Variants in SDCCAG8 observed in about 807,000 individuals in gnomAD.
The protein encoded by SDCCAG8 is serologically defined colon cancer antigen 8.
Under a neutral mutation model 101.8 loss-of-function variants are expected in SDCCAG8, and 74 were observed. That is an observed-to-expected ratio of 0.73 (90% CI 0.60 to 0.88). The LOEUF is 0.88. Among genes scored for constraint, SDCCAG8 ranks in the 40% least tolerant of loss-of-function variants. The pLI is 0.00. For synonymous variants in SDCCAG8, 281 were observed against 292.9 expected (o/e 0.96, Z 0.41); for missense variants, 787 against 822.6 (o/e 0.96, Z 0.53).
intron 6 of SDCCAG8, among the ~76,000 whole-genome samples, chr1:243,294,696 T>G (rs1452287560): frequency 6.4e-5 from 4 of 62,230 alleles, no homozygotes; most frequent in African/African-American, 2.3e-4. Flanking sequence ...CTTTCTAAAT[T>G]CCCCCCCCCC....
chr1:243,384,889 T>G (rs1378060405), intron 13 of SDCCAG8, among the ~76,000 whole-genome samples: 1 of 152,226 alleles, frequency 6.6e-6, no homozygotes, highest in Non-Finnish European at 1.5e-5. Flanking sequence ...TTCCAGTTAT[T>G]ACTGTTAATA....
At chr1:243,494,098 G>A (rs1478480303) in intron 17 of SDCCAG8, among the ~76,000 whole-genome samples, 2 of 152,198 alleles carry the variant, frequency 1.3e-5, no homozygotes, top group Non-Finnish European at 2.9e-5. Flanking sequence ...GACAGATGGC[G>A]CTTGAATAGA....
At chr1:243,499,069 T>TTAAAC (rs1351375524) in intron 17 of SDCCAG8, among the ~76,000 whole-genome samples, 3 of 152,188 alleles carry the variant, frequency 2.0e-5, no homozygotes, top group Admixed American at 1.3e-4. Flanking sequence ...CTGATGTGGT[T>TTAAAC]TAAACTAATT....
chr1:243,431,545 T>C (rs2081765876), intron 16 of SDCCAG8, among the ~76,000 whole-genome samples: 2 of 152,162 alleles, frequency 1.3e-5, no homozygotes, highest in African/African-American at 4.8e-5. Context: ...ATGGTAAAGA[T>C]CATTCAAGTT....
chr1:243,328,469 G>A (rs893578522), intron 9 of SDCCAG8, among the ~76,000 whole-genome samples: 3 of 151,906 alleles, frequency 2.0e-5, no homozygotes, highest in South Asian at 2.1e-4. Flanking sequence ...GTAGGACGGG[G>A]TTTCACCATG....
At chr1:243,367,780 G>C (rs1449960929) in intron 12 of SDCCAG8, among the ~76,000 whole-genome samples, 2 of 149,254 alleles carry the variant, frequency 1.3e-5, no homozygotes, top group African/African-American at 4.9e-5. Context: ...TCTTAAAATA[G>C]ATGTATATAT....
At chr1:243,476,901 G>A (rs1662520423) in intron 16 of SDCCAG8, among the ~76,000 whole-genome samples, 2 of 152,112 alleles carry the variant, frequency 1.3e-5, no homozygotes, top group African/African-American at 4.8e-5. Flanking sequence ...AATATACTGT[G>A]GTTCTGTAAG....
At chr1:243,476,165 T>G in intron 16 of SDCCAG8, 1 of 985,490 alleles carries the variant, frequency 1.0e-6, no homozygotes, top group Non-Finnish European at 1.2e-6. Context: ...GTCACTCTGT[T>G]CAGCTCAATT....
At chr1:243,432,988 TA>T (rs2148063270) in intron 16 of SDCCAG8, among the ~76,000 whole-genome samples, 1 of 152,128 alleles carries the variant, frequency 6.6e-6, no homozygotes, top group East Asian at 1.9e-4. Context: ...GTGCGGCGTA[TA>T]AGGTTCCTGA....
intron 17 of SDCCAG8, among the ~76,000 whole-genome samples, chr1:243,495,811 T>C (rs1667710820): frequency 6.6e-6 from 1 of 152,170 alleles, no homozygotes; most frequent in South Asian, 2.1e-4. Flanking sequence ...GCTTATTTCA[T>C]CCAGGTTGCC....
chr1:243,307,277 C>G (rs1275299742), intron 7 of SDCCAG8: 1 of 281,802 alleles, frequency 3.5e-6, no homozygotes, highest in African/African-American at 2.3e-5. Context: ...ACACCACCCC[C>G]ACCCCCACCA....
At chr1:243,415,021 G>C (rs1324026659) in intron 13 of SDCCAG8, among the ~76,000 whole-genome samples, 2 of 152,142 alleles carry the variant, frequency 1.3e-5, no homozygotes, top group African/African-American at 4.8e-5. Flanking sequence ...ATAGGTCAGT[G>C]TCCTATCACA....
At chr1:243,341,600 GT>G (rs1205861033) in intron 11 of SDCCAG8, among the ~76,000 whole-genome samples, 55 of 152,292 alleles carry the variant, frequency 3.6e-4, no homozygotes, top group Non-Finnish European at 4.9e-4. Context: ...CTTAAAAGGT[GT>G]GCTTGACATA....
chr1:243,334,385 T>C (rs1333858069), intron 10 of SDCCAG8, among the ~76,000 whole-genome samples: 1 of 152,196 alleles, frequency 6.6e-6, no homozygotes, highest in East Asian at 1.9e-4. Context: ...ACAATATTGT[T>C]CCTCTCTTTG....
rs140413256 is a variant in SDCCAG8 at position 243,271,035 on chromosome 1, C to A, written c.278C>A (p.Pro93Gln). The stretch of plus-strand genomic sequence containing the variant: ...GCAGATAAGGAAAGTGAAGTATCTC[C>A]GTCAAGAAGAAGAAAAATGTCCCCC... ...QQADKESEVSPSRRRKMSPLR... is the reference protein window; with the variant it reads ...QQADKESEVSQSRRRKMSPLR... The change falls in exon 3 of 18, where the codon CCG becomes CAG. Residue 93 changes from proline to glutamine, a missense_variant. By Grantham distance (76) the Pro-to-Gln change is moderately conservative. Coordinates refer to ENST00000366541, the MANE Select transcript of SDCCAG8 (RefSeq NM_006642.5). The A allele has an allele frequency of 1.9e-6, 3 of 1,612,922 alleles. No individual in the cohort carries two copies. The African/African-American group carries it at 4.0e-5, about 22-fold the overall frequency.
intron 16 of SDCCAG8, among the ~76,000 whole-genome samples, chr1:243,428,824 A>T (rs2081518280): frequency 6.6e-6 from 1 of 151,018 alleles, no homozygotes; most frequent in African/African-American, 2.5e-5. Flanking sequence ...TACTACCGTG[A>T]TAATTTTGTA....
intron 12 of SDCCAG8, among the ~76,000 whole-genome samples, chr1:243,371,149 G>A (rs942467340): frequency 5.9e-5 from 9 of 152,118 alleles, no homozygotes; most frequent in African/African-American, 2.2e-4. Context: ...CATGTCATCT[G>A]GGTTGTATCT....
intron 7 of SDCCAG8, chr1:243,307,773 G>T: frequency 2.1e-6 from 3 of 1,432,440 alleles, no homozygotes; most frequent in South Asian, 3.1e-5. Context: ...AGCTAATTAT[G>T]TAATTTATTC....
intron 13 of SDCCAG8, among the ~76,000 whole-genome samples, chr1:243,382,212 T>C (rs190563175): frequency 2.1e-3 from 324 of 152,238 alleles, no homozygotes; most frequent in South Asian, 4.4e-3. Flanking sequence ...TTAATGCATT[T>C]TAGGCAGGAG....
Sources: gnomAD v4.1 joint callset for allele counts (sites outside exome capture counted in the v4.1 genomes callset) on GRCh38, gnomAD v4.1.1 for gene constraint, MANE v1.5 for transcripts, NCBI Gene and HGNC (gene_info 2026-07-23, HGNC 2026-07-21) for gene names.